Variants in FBXL17 observed in about 807,000 individuals in gnomAD.
FBXL17 encodes F-box/LRR-repeat protein 17.
In FBXL17, 22 loss-of-function variants were observed where a neutral mutation model predicts 66.2. That is an observed-to-expected ratio of 0.33 (90% CI 0.24 to 0.47). FBXL17 has a LOEUF of 0.47. Among genes scored for constraint, FBXL17 ranks in the 20% least tolerant of loss-of-function variants. The pLI is 1.00. For synonymous variants in FBXL17, 474 were observed against 400.5 expected, an observed-to-expected ratio of 1.18 and a Z score of -2.19; for missense variants, 878 against 948.2, an observed-to-expected ratio of 0.93 and a Z score of 0.97.
intron 3 of FBXL17, among the ~76,000 whole-genome samples, chr5:108,349,553 C>T (rs1448716067): frequency 1.3e-5 from 2 of 152,086 alleles, no homozygotes; most frequent in African/African-American, 4.8e-5. Context: ...GCACTACAAC[C>T]AATAACATAT....
intron 4 of FBXL17, among the ~76,000 whole-genome samples, chr5:108,301,258 A>C (rs1201066931): frequency 6.6e-6 from 1 of 151,766 alleles, no homozygotes; most frequent in African/African-American, 2.4e-5. Flanking sequence ...TATATAGATG[A>C]ATTAAGTGAT....
rs1193803753 is a variant in FBXL17 at position 108,126,664 on chromosome 5, C to CATATATATATATATATATATACAT, written c.1745+59452_1745+59453insATGTATATATATATATATATATAT. 4.6e-5 allele frequency among the ~76,000 whole-genome samples: 5 copies of CATATATATATATATATATATACAT among 107,958 alleles called. No homozygotes were observed. In the East Asian group the frequency reaches 8.5e-4, roughly 18 times the overall value. The allele number at this position is 107,958 out of a possible 152,430, so 70.8% of individuals were successfully genotyped here. ...CTCTCTCTCTCTCTATATATATATA[C>CATATATATATATATATATATACAT]ATATATATATATATATATATACACA... On this transcript the variant is annotated intron_variant, in intron 6 of 8. Transcript: ENST00000542267.
chr5:108,124,097 A>G (rs286807), intron 6 of FBXL17, among the ~76,000 whole-genome samples: 99,780 of 151,946 alleles, frequency 0.66, 33,716 homozygotes, highest in East Asian at 0.92. Flanking sequence ...AAGCATATTT[A>G]CTAATGCCTA....
At chr5:107,984,796 AC>A (rs1752956458) in intron 7 of FBXL17, among the ~76,000 whole-genome samples, 1 of 152,232 alleles carries the variant, frequency 6.6e-6, no homozygotes, top group Non-Finnish European at 1.5e-5. Context: ...TACTGAGAAT[AC>A]TAGAAAATAT....
At chr5:108,133,348 T>G (rs1174465194) in intron 6 of FBXL17, among the ~76,000 whole-genome samples, 1 of 152,166 alleles carries the variant, frequency 6.6e-6, no homozygotes, top group Non-Finnish European at 1.5e-5. Context: ...AATGAGATAT[T>G]AGTACACTGT....
At chr5:108,135,874 T>C (rs191768132) in intron 6 of FBXL17, among the ~76,000 whole-genome samples, 42 of 152,216 alleles carry the variant, frequency 2.8e-4, no homozygotes, top group Non-Finnish European at 4.6e-4. Context: ...AGCATCAGAA[T>C]GGAGGCAAAG....
chr5:108,129,156 G>C (rs1326090388), intron 6 of FBXL17, among the ~76,000 whole-genome samples: 2 of 152,092 alleles, frequency 1.3e-5, no homozygotes, highest in African/African-American at 4.8e-5. Context: ...TCAATCTACT[G>C]TTATTGCATC....
intron 4 of FBXL17, among the ~76,000 whole-genome samples, chr5:108,288,369 T>C (rs975170523): frequency 6.6e-6 from 1 of 151,518 alleles, no homozygotes. Context: ...CACATGCTAT[T>C]GAAAAAAATG....
chr5:107,885,343 G>C (rs1441979935), intron 7 of FBXL17, among the ~76,000 whole-genome samples: 1 of 152,178 alleles, frequency 6.6e-6, no homozygotes, highest in African/African-American at 2.4e-5. Context: ...ACAAATGACA[G>C]AGTGATTAAA....
At chr5:108,236,752 A>G (rs1313416894) in intron 4 of FBXL17, among the ~76,000 whole-genome samples, 1 of 152,192 alleles carries the variant, frequency 6.6e-6, no homozygotes, top group African/African-American at 2.4e-5. Flanking sequence ...CGGGAGAAAT[A>G]CCAATCGTTG....
At chr5:107,948,168 G>A (rs1241078183) in intron 7 of FBXL17, among the ~76,000 whole-genome samples, 2 of 151,944 alleles carry the variant, frequency 1.3e-5, no homozygotes, top group African/African-American at 4.8e-5. Context: ...AAGAATAAGA[G>A]GTAATAGAGA....
At chr5:108,104,028 T>TTTG (rs758420445) in intron 6 of FBXL17, among the ~76,000 whole-genome samples, 121 of 152,104 alleles carry the variant, frequency 8.0e-4, no homozygotes, top group African/African-American at 2.7e-3. Context: ...TGCAACCAAT[T>TTTG]TTGTTGTTGT....
At chr5:107,957,950 C>T (rs749801415) in intron 7 of FBXL17, among the ~76,000 whole-genome samples, 2 of 152,074 alleles carry the variant, frequency 1.3e-5, no homozygotes, top group Admixed American at 6.6e-5. Context: ...CCTTAAACAG[C>T]AGTCTCTGGC....
intron 6 of FBXL17, among the ~76,000 whole-genome samples, chr5:108,045,294 T>A (rs1209751214): frequency 6.6e-6 from 1 of 151,888 alleles, no homozygotes; most frequent in Non-Finnish European, 1.5e-5. Flanking sequence ...TACAAAAAAT[T>A]AGCTGGGCAT....
At chr5:107,952,906 A>G (rs1396859153) in intron 7 of FBXL17, among the ~76,000 whole-genome samples, 1 of 152,194 alleles carries the variant, frequency 6.6e-6, no homozygotes, top group African/African-American at 2.4e-5. Flanking sequence ...CTATATCTAT[A>G]TAATTTACAT....
intron 6 of FBXL17, among the ~76,000 whole-genome samples, chr5:108,130,832 A>G (rs1414043420): frequency 2.6e-5 from 4 of 152,068 alleles, no homozygotes; most frequent in Non-Finnish European, 4.4e-5. Context: ...TAATAACACT[A>G]TATTATTGTG....
At chr5:108,295,839 C>T (rs1489151221) in intron 4 of FBXL17, among the ~76,000 whole-genome samples, 1 of 151,364 alleles carries the variant, frequency 6.6e-6, no homozygotes, top group Non-Finnish European at 1.5e-5. Flanking sequence ...TGGAACAAGA[C>T]TATAAAGTTC....
At chr5:108,055,535 G>C (rs1310373472) in intron 6 of FBXL17, among the ~76,000 whole-genome samples, 1 of 148,338 alleles carries the variant, frequency 6.7e-6, no homozygotes, top group Non-Finnish European at 1.5e-5. Flanking sequence ...CGTGAACCCG[G>C]GAGGTGGAGC....
At chr5:108,117,531 G>T (rs2149960601) in intron 6 of FBXL17, among the ~76,000 whole-genome samples, 1 of 152,222 alleles carries the variant, frequency 6.6e-6, no homozygotes, top group East Asian at 1.9e-4. Context: ...TTTTAAAAAT[G>T]TTAATTACAA....
Sources: allele counts gnomAD v4.1 joint callset (sites outside exome capture counted in the v4.1 genomes callset), GRCh38; gene constraint gnomAD v4.1.1; transcripts MANE v1.5; gene names NCBI Gene and HGNC (gene_info 2026-07-23, HGNC 2026-07-21).